The following CX3CL1 variants were observed in gnomAD, a reference collection of about 807,000 sequenced individuals.
CX3CL1 encodes the protein C-X3-C motif chemokine ligand 1.
A neutral mutation model predicts 14.1 loss-of-function variants in CX3CL1; 1 was observed. The ratio of observed to expected loss-of-function variants is 0.07; its 90% CI spans 0.03 to 0.34. CX3CL1 has a LOEUF of 0.34. Ranked by LOEUF, CX3CL1 falls within the 10% of genes least tolerant of loss-of-function variation. CX3CL1 has a pLI of 0.99. For missense variants in CX3CL1, 505 were observed against 536.4 expected (o/e 0.94, Z 0.58); for synonymous variants, 255 against 229.6 (o/e 1.11, Z -1.00).
chr16:57,374,058 C>T (rs1902213481), intron 1 of CX3CL1, among the ~76,000 whole-genome samples: 1 of 152,146 alleles, frequency 6.6e-6, no homozygotes, highest in Non-Finnish European at 1.5e-5. Context: ...TCATCTTGGT[C>T]ATTGGCTTTA....
intron 1 of CX3CL1, among the ~76,000 whole-genome samples, chr16:57,375,224 G>A (rs1283306690): frequency 6.6e-6 from 1 of 152,088 alleles, no homozygotes; most frequent in Non-Finnish European, 1.5e-5. Flanking sequence ...TAGGGGGTTA[G>A]GGAAGCCCAC....
In CX3CL1 at chr16:57,384,630, T is replaced by A. The variant is rs1301959807; in HGVS notation, c.*1598T>A. On this transcript the variant is annotated 3_prime_UTR_variant, in exon 3 of 3. Coordinates refer to ENST00000006053, the MANE Select transcript of CX3CL1 (RefSeq NM_002996.6). ...TTGGAGGAAGGAAACCCAGCTCTGG[T>A]CCATAGAGAGCAAGACGCTGTGCTG... is the stretch of plus-strand genomic sequence containing the variant. The A allele has an allele frequency of 2.0e-5, 3 of 152,498 alleles. No individual in the cohort carries two copies. The highest frequency in any genetic ancestry group is 7.2e-5 in the African/African-American group (3 of 41,446). 9.4% of individuals were successfully genotyped at this position (152,498 alleles called of 1,614,324 possible). A position where few individuals can be genotyped will look rare whatever the true frequency, so the allele number is the denominator to read the frequency against.
At chr16:57,376,631 T>G (rs1902251168) in intron 1 of CX3CL1, among the ~76,000 whole-genome samples, 2 of 149,696 alleles carry the variant, frequency 1.3e-5, no homozygotes, top group African/African-American at 4.9e-5. Context: ...TGACAGGTGG[T>G]AGGTAGGGGA....
chr16:57,377,227 C>T (rs1319292059), intron 1 of CX3CL1: 1 of 152,276 alleles, frequency 6.6e-6, no homozygotes, highest in African/African-American at 2.4e-5. Context: ...ACCGTATTTT[C>T]TGGGGCTTCC....
At chr16:57,379,264 T>G (rs1394005963) in intron 1 of CX3CL1, 1 of 263,212 alleles carries the variant, frequency 3.8e-6, no homozygotes, top group African/African-American at 2.2e-5. Flanking sequence ...AGGCCGAGGT[T>G]GCGGTGAGCC....
rs1349657941 is a variant in CX3CL1, at chr16:57,382,877, G to A, written c.1039G>A (p.Ala347Thr). The change falls in exon 3 of 3, where the codon GCC (alanine) becomes ACC (threonine). Residue 347 changes from alanine (A) to threonine (T), a missense_variant. By Grantham distance (58) the Ala-to-Thr change is moderately conservative. Coordinates refer to ENST00000006053, the MANE Select transcript of CX3CL1 (RefSeq NM_002996.6). The surrounding 1 kb of genome is among the most constrained non-coding windows in gnomAD (Gnocchi z 6.9). ...ATRRQAVGLLAFLGLLFCLGV... is the reference protein window; with the variant it reads ...ATRRQAVGLLTFLGLLFCLGV... ...CCGGAGGCAGGCGGTGGGGCTGCTGGCCTTCCTTGGCCTCCTCTTCTGCCT... is the reference window on the plus strand; with the variant it reads ...CCGGAGGCAGGCGGTGGGGCTGCTGACCTTCCTTGGCCTCCTCTTCTGCCT... 1.3e-6 allele frequency: 2 copies of A among 1,558,222 alleles called. No homozygotes were observed. Among genetic ancestry groups the A allele is most frequent in the Non-Finnish European group, 1.7e-6 (2 of 1,147,774 alleles).
chr16:57,381,577 C>T lies in CX3CL1; in HGVS notation c.192-453C>T, dbSNP rs1362700114. 5.9e-5 allele frequency among the ~76,000 whole-genome samples: 9 copies of T among 152,056 alleles called. No homozygotes were observed. The South Asian group carries it at 1.7e-3, about 28-fold the overall frequency. ...CCAGCAGAAGACTCAAAGCCCAGAG[C>T]CCCCTGCCTTAATGGTAACAATATT... On this transcript the variant is annotated intron_variant, in intron 2 of 2. Coordinates refer to ENST00000006053, the MANE Select transcript of CX3CL1 (RefSeq NM_002996.6).
intron 1 of CX3CL1, chr16:57,379,354 T>C: frequency 2.2e-6 from 1 of 453,264 alleles, no homozygotes; most frequent in South Asian, 6.0e-5. Flanking sequence ...ACTCTTAATA[T>C]GTGCCAGGCA....
chr16:57,379,521 T>C, intron 1 of CX3CL1, 113 bp from the exon 2 acceptor site: 1 of 1,357,228 alleles, frequency 7.4e-7, no homozygotes, highest in Non-Finnish European at 1.0e-6. Context: ...AAGGCCAGGG[T>C]GTACAGGGGA....
chr16:57,376,528 GTGGA>G (rs1250589076), intron 1 of CX3CL1, among the ~76,000 whole-genome samples: 3 of 151,340 alleles, frequency 2.0e-5, no homozygotes, highest in East Asian at 3.9e-4. Context: ...GGATGGATGG[GTGGA>G]TGGATGGACA....
At position 57,383,057 on chromosome 16, in the gene CX3CL1, T is replaced by C. The variant is rs1424680856; in HGVS notation, c.*25T>C. The C allele has an allele frequency of 7.2e-6, 10 of 1,386,032 alleles. No individual in the cohort carries two copies. Among genetic ancestry groups the C allele is most frequent in the African/African-American group, 1.5e-5 (1 of 68,192 alleles). The allele number at this position is 1,386,032 out of a possible 1,614,324, so 85.9% of individuals were successfully genotyped here. A position where few individuals can be genotyped will look rare whatever the true frequency, so the allele number is the denominator to read the frequency against. ...AACTCCTCTGGCCTGTGTCTAGTTGTTTGATTCAGACAGCTGCCTGGGATC... is the reference window on the plus strand; with the variant it reads ...AACTCCTCTGGCCTGTGTCTAGTTGCTTGATTCAGACAGCTGCCTGGGATC... On this transcript the variant is annotated 3_prime_UTR_variant, in exon 3 of 3. Transcript: ENST00000006053.
At chr16:57,378,859 T>TA (rs1350724725) in intron 1 of CX3CL1, 16 of 145,312 alleles carry the variant, frequency 1.1e-4, no homozygotes, top group East Asian at 2.1e-4. Context: ...CCCTATCTCT[T>TA]AAAAAAAAAT....
At chr16:57,379,798 T>A in intron 2 of CX3CL1, 44 bp downstream of exon 2, 1 of 1,609,582 alleles carries the variant, frequency 6.2e-7, no homozygotes, top group Non-Finnish European at 8.5e-7. Context: ...TTTGGGCCCT[T>A]GGAATATTCC....
chr16:57,376,032 C>G (rs1400668124), intron 1 of CX3CL1, among the ~76,000 whole-genome samples: 3 of 152,204 alleles, frequency 2.0e-5, no homozygotes, highest in Non-Finnish European at 4.4e-5. Flanking sequence ...TGGGATAATA[C>G]TCCCTTTGCA....
chr16:57,374,022 G>A (rs557562150), intron 1 of CX3CL1, among the ~76,000 whole-genome samples: 32 of 152,244 alleles, frequency 2.1e-4, no homozygotes, highest in Admixed American at 1.1e-3. Flanking sequence ...CTAGCAGCCT[G>A]AGGCTTTAGA....
chr16:57,375,460 C>T (rs887109160), intron 1 of CX3CL1, among the ~76,000 whole-genome samples: 1 of 152,170 alleles, frequency 6.6e-6, no homozygotes, highest in African/African-American at 2.4e-5. Flanking sequence ...CTATAGTACC[C>T]GGGACAGCCC....
At chr16:57,381,287 G>C (rs1329172502) in intron 2 of CX3CL1, among the ~76,000 whole-genome samples, 1 of 152,194 alleles carries the variant, frequency 6.6e-6, no homozygotes, top group Non-Finnish European at 1.5e-5. Flanking sequence ...TGTCAGCTCT[G>C]AGCTGTGGGC....
intron 1 of CX3CL1, chr16:57,378,670 A>C (rs913580739): frequency 2.6e-5 from 4 of 151,858 alleles, no homozygotes; most frequent in African/African-American, 9.7e-5. Flanking sequence ...CACCATATTG[A>C]TCAGGCTGGT....
intron 1 of CX3CL1, chr16:57,378,385 T>C (rs1398126430): frequency 6.6e-6 from 1 of 152,018 alleles, no homozygotes; most frequent in African/African-American, 2.4e-5. Context: ...ACCCTGTCTC[T>C]TAAAAAAATT....
Sources: gnomAD v4.1 joint callset for allele counts (sites outside exome capture counted in the v4.1 genomes callset) on GRCh38, gnomAD v4.1.1 for gene constraint, Gnocchi (gnomAD v3.1) non-coding constraint, MANE v1.5 for transcripts, NCBI Gene and HGNC (gene_info 2026-07-23, HGNC 2026-07-21) for gene names.